Variants in GABRB2 observed in about 807,000 individuals in gnomAD.
GABRB2 encodes the protein gamma-aminobutyric acid receptor subunit beta-2.
A neutral mutation model predicts 54.7 loss-of-function variants in GABRB2; 16 were observed. The ratio of observed to expected loss-of-function variants is 0.29; its 90% CI spans 0.20 to 0.44. The LOEUF (loss-of-function observed/expected upper bound fraction) is 0.44. Ranked by LOEUF, GABRB2 falls within the 20% of genes least tolerant of loss-of-function variation. GABRB2 has a pLI of 1.00. For missense variants in GABRB2, 355 were observed against 644.0 expected, an observed-to-expected ratio of 0.55 and a Z score of 4.86; for synonymous variants, 244 against 233.8, an observed-to-expected ratio of 1.04 and a Z score of -0.40.
chr5:161,457,470 G>A (rs1248244111), intron 4 of GABRB2, among the ~76,000 whole-genome samples: 1 of 148,106 alleles, frequency 6.8e-6, no homozygotes, highest in Non-Finnish European at 1.5e-5. Context: ...TTTTGAGATG[G>A]AGTCTTGCCA....
intron 3 of GABRB2, among the ~76,000 whole-genome samples, chr5:161,544,754 G>A (rs1336846860): frequency 6.6e-6 from 1 of 152,126 alleles, no homozygotes; most frequent in Admixed American, 6.5e-5. Context: ...ATGGGGGCTT[G>A]CCATTAACAG....
chr5:161,366,970 C>G (rs1262299278), intron 5 of GABRB2, among the ~76,000 whole-genome samples: 1 of 151,922 alleles, frequency 6.6e-6, no homozygotes, highest in Non-Finnish European at 1.5e-5. Flanking sequence ...AAAGAAAAGA[C>G]AAATCAGTTA....
At chr5:161,350,092 A>G (rs1020549948) in intron 5 of GABRB2, among the ~76,000 whole-genome samples, 3 of 152,272 alleles carry the variant, frequency 2.0e-5, no homozygotes, top group African/African-American at 7.2e-5. Context: ...TGACAAATCC[A>G]CAGCTAACAT....
chr5:161,334,075 G>A (rs985505536), intron 7 of GABRB2, among the ~76,000 whole-genome samples: 1 of 152,090 alleles, frequency 6.6e-6, no homozygotes, highest in Non-Finnish European at 1.5e-5. Flanking sequence ...AGTAATGATT[G>A]AATTGAGATC....
At chr5:161,294,644 T>C (rs1384892871) in intron 9 of GABRB2, among the ~76,000 whole-genome samples, 1 of 152,188 alleles carries the variant, frequency 6.6e-6, no homozygotes, top group Non-Finnish European at 1.5e-5. Flanking sequence ...AATCCAACCC[T>C]AGAGGGTTGC....
intron 5 of GABRB2, among the ~76,000 whole-genome samples, chr5:161,376,900 T>TAA (rs1447201356): frequency 6.6e-6 from 1 of 151,146 alleles, no homozygotes; most frequent in Non-Finnish European, 1.5e-5. Flanking sequence ...TGGGTATATA[T>TAA]AACAAAAAGA....
intron 9 of GABRB2, among the ~76,000 whole-genome samples, chr5:161,304,766 T>C (rs1757632611): frequency 6.6e-6 from 1 of 152,030 alleles, no homozygotes; most frequent in Non-Finnish European, 1.5e-5. Flanking sequence ...TACATTCGAA[T>C]TGTTACATTT....
chr5:161,454,306 C>G (rs1430726157), intron 4 of GABRB2, among the ~76,000 whole-genome samples: 1 of 152,186 alleles, frequency 6.6e-6, no homozygotes, highest in African/African-American at 2.4e-5. Context: ...CACTTGTGAT[C>G]TCAAACTGAC....
At chr5:161,522,972 T>C (rs929645499) in intron 3 of GABRB2, among the ~76,000 whole-genome samples, 1 of 151,540 alleles carries the variant, frequency 6.6e-6, no homozygotes. Context: ...TATTAATAGA[T>C]ATAATTTATT....
chr5:161,330,870 C>T lies in GABRB2; in HGVS notation c.1077+13G>A. On this transcript the variant is annotated intron_variant, in intron 8 of 9. Coordinates refer to ENST00000393959, the MANE Select transcript of GABRB2 (RefSeq NM_001371727.1). ...AGTTTAAGAAGCAAGGAGGGCTTGC[C>T]CTCTGAATTTACCTTGTTGACATCC... The T allele has an allele frequency of 1.2e-6, 2 of 1,614,150 alleles. No individual in the cohort carries two copies. Among genetic ancestry groups the T allele is most frequent in the Non-Finnish European group, 1.7e-6 (2 of 1,180,000 alleles).
intron 5 of GABRB2, among the ~76,000 whole-genome samples, chr5:161,386,243 C>A (rs1247437731): frequency 6.6e-6 from 1 of 152,072 alleles, no homozygotes; most frequent in East Asian, 1.9e-4. Context: ...AATCTCCTAG[C>A]CTAAATGACC....
chr5:161,311,329 A>G (rs1357998169), intron 9 of GABRB2, among the ~76,000 whole-genome samples: 1 of 152,216 alleles, frequency 6.6e-6, no homozygotes, highest in Admixed American at 6.5e-5. Flanking sequence ...CCAATAATAG[A>G]ACTGAAGAAA....
chr5:161,536,992 G>C (rs1435462101), intron 3 of GABRB2, among the ~76,000 whole-genome samples: 1 of 151,952 alleles, frequency 6.6e-6, no homozygotes, highest in Non-Finnish European at 1.5e-5. Context: ...AACTCCTCTT[G>C]CTACATTTCA....
chr5:161,402,876 C>A (rs1756239934), intron 5 of GABRB2, among the ~76,000 whole-genome samples: 1 of 152,182 alleles, frequency 6.6e-6, no homozygotes, highest in Non-Finnish European at 1.5e-5. Context: ...CCAATGCTGG[C>A]TGTTCATTAT....
At chr5:161,432,686 T>C (rs1348990617) in intron 4 of GABRB2, among the ~76,000 whole-genome samples, 1 of 152,102 alleles carries the variant, frequency 6.6e-6, no homozygotes, top group Non-Finnish European at 1.5e-5. Context: ...AAGCACAAAC[T>C]AGATGAGTGT....
At chr5:161,455,668 C>T (rs796360340) in intron 4 of GABRB2, among the ~76,000 whole-genome samples, 20 of 151,790 alleles carry the variant, frequency 1.3e-4, no homozygotes, top group African/African-American at 4.8e-4. Flanking sequence ...GAGAAGCAGG[C>T]ACTACAGGCA....
At position 161,411,070 on chromosome 5, in the gene GABRB2, T is replaced by C. The variant is rs1015586071; in HGVS notation, c.459-13A>G. 1.2e-6 allele frequency: 2 copies of C among 1,601,008 alleles called. No homozygotes were observed. The highest frequency in any genetic ancestry group is 1.7e-6 in the Non-Finnish European group (2 of 1,168,372). ...TGTGGTTGTGATTCTAGAAGACAAA[T>C]AGCAATGATGAGTGTTGTTAGCAGG... On this transcript the variant is annotated splice_polypyrimidine_tract_variant and intron_variant, in intron 4 of 9. Coordinates refer to ENST00000393959, the MANE Select transcript of GABRB2 (RefSeq NM_001371727.1).
chr5:161,373,856 C>A (rs1265836748), intron 5 of GABRB2, among the ~76,000 whole-genome samples: 2 of 152,118 alleles, frequency 1.3e-5, no homozygotes, highest in Admixed American at 1.3e-4. Flanking sequence ...CTACGCCACT[C>A]CCTTGAGTTC....
chr5:161,297,521 G>A (rs1757416256), intron 9 of GABRB2, among the ~76,000 whole-genome samples: 1 of 152,114 alleles, frequency 6.6e-6, no homozygotes, highest in African/African-American at 2.4e-5. Flanking sequence ...TTATGAGTGA[G>A]AACATGTAGT....
Sources: gnomAD v4.1 joint callset for allele counts (sites outside exome capture counted in the v4.1 genomes callset) on GRCh38, gnomAD v4.1.1 for gene constraint, MANE v1.5 for transcripts, NCBI Gene and HGNC (gene_info 2026-07-23, HGNC 2026-07-21) for gene names.